MED27: variants seen among roughly 807,000 people sequenced by gnomAD.
The protein encoded by MED27 is mediator of RNA polymerase II transcription subunit 27.
MED27 carries 30 observed loss-of-function variants against 38.2 expected under a neutral mutation model. The observed-to-expected ratio is 0.79, with a 90% CI of 0.59 to 1.07. The LOEUF (loss-of-function observed/expected upper bound fraction) is 1.07, where lower values mean the gene tolerates loss of function less well. Among genes scored for constraint, MED27 ranks in the 50% least tolerant of loss-of-function variants. The pLI is 0.00. For synonymous variants in MED27, 122 were observed against 153.5 expected, an observed-to-expected ratio of 0.79 and a Z score of 1.52; for missense variants, 289 against 397.5, an observed-to-expected ratio of 0.73 and a Z score of 2.32.
intron 2 of MED27, among the ~76,000 whole-genome samples, chr9:132,061,220 A>T (rs1833688806): frequency 6.6e-6 from 1 of 152,222 alleles, no homozygotes; most frequent in Non-Finnish European, 1.5e-5. Flanking sequence ...ATGAAAAGTA[A>T]GTCAGAGCTA....
intron 3 of MED27, among the ~76,000 whole-genome samples, chr9:131,992,037 A>G (rs766745605): frequency 1.2e-4 from 19 of 152,190 alleles, no homozygotes; most frequent in Admixed American, 1.2e-3. Flanking sequence ...ATTATTAATA[A>G]CCAAGACATT....
intron 4 of MED27, among the ~76,000 whole-genome samples, chr9:131,930,032 C>CAGAGAGAGAGAGAGAGAGAG (rs112511169): frequency 3.3e-5 from 5 of 151,088 alleles, no homozygotes; most frequent in African/African-American, 1.2e-4. Context: ...TGGCTTAGCA[C>CAGAGAGAGAGAGAGAGAGAG]AGAGAGAGAG....
intron 4 of MED27, among the ~76,000 whole-genome samples, chr9:131,905,240 A>G (rs1830031035): frequency 6.6e-6 from 1 of 152,248 alleles, no homozygotes; most frequent in Non-Finnish European, 1.5e-5. Context: ...AGTGGGATAC[A>G]GGTTACCTGA....
In MED27 at chr9:131,860,124, G is replaced by A. The variant is rs1442034608; in HGVS notation, c.*414C>T. On this transcript the variant is annotated 3_prime_UTR_variant, in exon 8 of 8. Transcript: ENST00000292035. This position sits in a 1 kb window ranked among gnomAD's most constrained non-coding sequence, Gnocchi z 5.8. ...ACAAAGCCTTATCCAGGATACAAAA[G>A]GTTTATTGCTTATAAAAATAAGTTA... 6.2e-6 allele frequency: 1 copy of A among 160,496 alleles called. No homozygotes were observed. Among genetic ancestry groups the A allele is most frequent in the Non-Finnish European group, 1.4e-5 (1 of 73,954 alleles). The allele number at this position is 160,496 out of a possible 1,614,324, so 9.9% of individuals were successfully genotyped here.
chr9:132,049,394 G>A (rs1328838436), intron 2 of MED27, among the ~76,000 whole-genome samples: 1 of 152,090 alleles, frequency 6.6e-6, no homozygotes, highest in Non-Finnish European at 1.5e-5. Context: ...TGCAGACTGT[G>A]GGAAAAATCA....
At chr9:132,069,586 G>A (rs1833888332) in intron 2 of MED27, among the ~76,000 whole-genome samples, 2 of 152,220 alleles carry the variant, frequency 1.3e-5, no homozygotes, top group South Asian at 2.1e-4. Context: ...ATTCTGAGAT[G>A]CTCTGGAGCA....
intron 2 of MED27, among the ~76,000 whole-genome samples, chr9:132,052,331 G>A (rs1033434624): frequency 5.3e-5 from 8 of 152,174 alleles, no homozygotes; most frequent in African/African-American, 1.9e-4. Flanking sequence ...GAATAATGAA[G>A]GTTAAATCCA....
intron 2 of MED27, among the ~76,000 whole-genome samples, chr9:132,018,068 A>C (rs1477008703): frequency 2.0e-5 from 3 of 152,184 alleles, no homozygotes; most frequent in Non-Finnish European, 4.4e-5. Context: ...TGCTGCTACC[A>C]AACTGGGTGA....
At chr9:131,918,636 A>C (rs1830334990) in intron 4 of MED27, among the ~76,000 whole-genome samples, 1 of 152,176 alleles carries the variant, frequency 6.6e-6, no homozygotes, top group African/African-American at 2.4e-5. Flanking sequence ...TTAATGCCCA[A>C]GCATTTTTTT....
At chr9:131,926,766 C>T (rs1213395911) in intron 4 of MED27, among the ~76,000 whole-genome samples, 1 of 152,138 alleles carries the variant, frequency 6.6e-6, no homozygotes, top group Non-Finnish European at 1.5e-5. Context: ...GTGTCATTCA[C>T]AAGCAGGGTA....
At chr9:132,075,828 C>A (rs530727235) in intron 2 of MED27, among the ~76,000 whole-genome samples, 2 of 150,866 alleles carry the variant, frequency 1.3e-5, no homozygotes, top group Admixed American at 1.3e-4. Context: ...AACAGTCCCA[C>A]GTCTGGCCTA....
At chr9:131,876,280 T>C (rs1164582868) in intron 6 of MED27, among the ~76,000 whole-genome samples, 1 of 152,172 alleles carries the variant, frequency 6.6e-6, no homozygotes. Flanking sequence ...ATGACTACTC[T>C]GTGACTCCTC....
At chr9:132,024,951 C>T (rs1024563757) in intron 2 of MED27, among the ~76,000 whole-genome samples, 6 of 152,130 alleles carry the variant, frequency 3.9e-5, no homozygotes, top group African/African-American at 1.4e-4. Context: ...AGTCTCTCTC[C>T]AGACTCCCAC....
intron 3 of MED27, among the ~76,000 whole-genome samples, chr9:131,969,962 G>C (rs1831438383): frequency 6.6e-6 from 1 of 151,930 alleles, no homozygotes. Flanking sequence ...TGAGGCTGGA[G>C]GGCTGGGGGG....
At position 131,884,057 on chromosome 9, in the gene MED27, C is replaced by T. The variant is rs1260853988; in HGVS notation, c.723+1G>A. 1.2e-6 allele frequency: 2 copies of T among 1,611,622 alleles called. No individual in the cohort carries two copies. Among genetic ancestry groups the T allele is most frequent in the African/African-American group, 2.7e-5 (2 of 74,820 alleles). ...AGTAAGAAGCAAAAAGTAAAACTTA[C>T]CTTCTGGAATACTTGATAGTTGGAT... On this transcript the variant is annotated splice_donor_variant, in intron 6 of 7. Transcript: ENST00000292035. LOFTEE classifies it high-confidence loss of function.
chr9:131,979,831 ATGGC>A (rs71374157), intron 3 of MED27, among the ~76,000 whole-genome samples: 47 of 150,400 alleles, frequency 3.1e-4, no homozygotes, highest in South Asian at 4.3e-4. Flanking sequence ...TGAAAACAAG[ATGGC>A]TGGCTGGCTG....
intron 4 of MED27, among the ~76,000 whole-genome samples, chr9:131,902,008 C>T (rs1829956504): frequency 6.6e-6 from 1 of 152,172 alleles, no homozygotes; most frequent in Admixed American, 6.5e-5. Context: ...GACCCCACAT[C>T]CATGCAAATC....
At chr9:131,903,462 C>T (rs2131521303) in intron 4 of MED27, among the ~76,000 whole-genome samples, 1 of 152,268 alleles carries the variant, frequency 6.6e-6, no homozygotes, top group East Asian at 1.9e-4. Flanking sequence ...GGTGTTACCC[C>T]ATTAGTCCCC....
intron 4 of MED27, among the ~76,000 whole-genome samples, chr9:131,895,047 C>T (rs1829803054): frequency 6.6e-6 from 1 of 152,180 alleles, no homozygotes; most frequent in Admixed American, 6.5e-5. Flanking sequence ...CACAAAAGCC[C>T]TCGCCAGACG....
Sources: gnomAD v4.1 joint callset for allele counts (sites outside exome capture counted in the v4.1 genomes callset) on GRCh38, gnomAD v4.1.1 for gene constraint, Gnocchi (gnomAD v3.1) non-coding constraint, MANE v1.5 for transcripts, NCBI Gene and HGNC (gene_info 2026-07-23, HGNC 2026-07-21) for gene names.